Variants in PCYT1B observed in about 807,000 individuals in gnomAD.
PCYT1B encodes the protein choline-phosphate cytidylyltransferase B.
A neutral mutation model predicts 26.4 loss-of-function variants in PCYT1B; 10 were observed. That is an observed-to-expected ratio of 0.38 (90% CI 0.23 to 0.64). The LOEUF is 0.64. Ranked by LOEUF, PCYT1B falls within the 30% of genes least tolerant of loss-of-function variation. The pLI is 0.56. For missense variants in PCYT1B, 161 were observed against 292.7 expected, an observed-to-expected ratio of 0.55 and a Z score of 3.28; for synonymous variants, 131 against 108.4, an observed-to-expected ratio of 1.21 and a Z score of -1.29.
At position 24,562,014 on chromosome X, in the gene PCYT1B, A is replaced by G; in HGVS notation, c.*279T>C. The G allele has an allele frequency of 9.4e-7, 1 of 1,062,679 alleles. No individual in the cohort carries two copies. The highest frequency in any genetic ancestry group is 1.3e-6 in the Non-Finnish European group (1 of 763,325). The allele number at this position is 1,062,679 out of a possible 1,213,427, so 87.6% of individuals were successfully genotyped here. On this transcript the variant is annotated 3_prime_UTR_variant, in exon 8 of 8. Transcript: ENST00000379144. ...TCACCCCATCAGTGCAAGTCTCTCT[A>G]GGGAACTCTGCATCCTTCCTTAGCA...
At chrX:24,596,036 CTGT>C (rs1443005845) in intron 3 of PCYT1B, among the ~76,000 whole-genome samples, 2 of 112,205 alleles carry the variant, frequency 1.8e-5, no homozygotes, top group Non-Finnish European at 3.8e-5. Flanking sequence ...AGTATGTTTA[CTGT>C]TGTTATTTTT....
intron 3 of PCYT1B, 110 bp from the exon 4 acceptor site, chrX:24,590,284 A>G (rs1924516685): frequency 3.2e-6 from 2 of 621,580 alleles, no homozygotes. Context: ...CAGCCTCGCT[A>G]GGTGCTTGTC....
intron 1 of PCYT1B, among the ~76,000 whole-genome samples, chrX:24,670,081 A>G (rs1602218692): frequency 1.1e-5 from 1 of 87,532 alleles, no homozygotes; most frequent in Non-Finnish European, 2.3e-5. Flanking sequence ...AGAAAGAAAG[A>G]AAGAAAGAAA....
intron 3 of PCYT1B, among the ~76,000 whole-genome samples, chrX:24,602,835 G>A (rs189318709): frequency 1.6e-3 from 176 of 110,399 alleles, no homozygotes; most frequent in Non-Finnish European, 2.2e-3. Flanking sequence ...ATGGCGTCTC[G>A]CTCTGTCACT....
intron 1 of PCYT1B, among the ~76,000 whole-genome samples, chrX:24,664,799 CATACAAAA>C (rs1927094474): frequency 9.0e-6 from 1 of 111,368 alleles, no homozygotes; most frequent in African/African-American, 3.3e-5. Context: ...CTCCGCTAAA[CATACAAAA>C]ATTACCTGGG....
intron 3 of PCYT1B, among the ~76,000 whole-genome samples, chrX:24,607,541 G>A (rs1925177053): frequency 9.0e-6 from 1 of 111,688 alleles, no homozygotes. Context: ...TGAGGATCAG[G>A]GTTATACAAT....
intron 1 of PCYT1B, among the ~76,000 whole-genome samples, chrX:24,666,593 G>A (rs774910342): frequency 3.3e-5 from 3 of 90,292 alleles, no homozygotes; most frequent in East Asian, 3.5e-4. Flanking sequence ...TTCTCTTTCC[G>A]TGTATGTGTG....
chrX:24,624,128 C>G (rs970648860), intron 1 of PCYT1B, among the ~76,000 whole-genome samples: 9 of 110,094 alleles, frequency 8.2e-5, no homozygotes, highest in South Asian at 7.9e-4. Context: ...CGCCACCACA[C>G]CCGGCTAATT....
chrX:24,658,685 T>C (rs1012996774), intron 1 of PCYT1B, among the ~76,000 whole-genome samples: 1 of 111,344 alleles, frequency 9.0e-6, no homozygotes, highest in African/African-American at 3.3e-5. Context: ...TGTAATTACA[T>C]TGAGTTCCTT....
At chrX:24,565,035 C>T (rs1266039710) in intron 7 of PCYT1B, among the ~76,000 whole-genome samples, 1 of 109,708 alleles carries the variant, frequency 9.1e-6, no homozygotes, top group Non-Finnish European at 1.9e-5. Flanking sequence ...GATCAGTTTA[C>T]CAGTTTGGGA....
At chrX:24,616,239 T>TG (rs1925487621) in intron 2 of PCYT1B, among the ~76,000 whole-genome samples, 2 of 92,331 alleles carry the variant, frequency 2.2e-5, no homozygotes, top group African/African-American at 7.9e-5. Context: ...TTTTTTTTTT[T>TG]TTTTTTTTTT....
intron 7 of PCYT1B, 127 bp from the exon 8 acceptor site, chrX:24,562,632 C>T (rs958258330): frequency 7.7e-6 from 4 of 521,126 alleles, no homozygotes; most frequent in Non-Finnish European, 1.3e-5. Flanking sequence ...TACACTCATA[C>T]CACATCCCGT....
intron 3 of PCYT1B, among the ~76,000 whole-genome samples, chrX:24,595,143 C>A (rs754130340): frequency 1.8e-5 from 2 of 108,953 alleles, no homozygotes; most frequent in Non-Finnish European, 3.8e-5. Flanking sequence ...GGTATGAGGG[C>A]CCCGTGGTAC....
chrX:24,619,522 C>T (rs1214040379), intron 1 of PCYT1B, among the ~76,000 whole-genome samples: 2 of 112,064 alleles, frequency 1.8e-5, no homozygotes, highest in Non-Finnish European at 3.8e-5. Flanking sequence ...TCGAACATTT[C>T]ACAACCGAGG....
At chrX:24,585,559 A>C (rs1924343830) in intron 5 of PCYT1B, among the ~76,000 whole-genome samples, 1 of 110,838 alleles carries the variant, frequency 9.0e-6, no homozygotes. Context: ...TCTCAGGCCA[A>C]AGTGGGGAGA....
intron 4 of PCYT1B, among the ~76,000 whole-genome samples, chrX:24,589,728 G>A (rs1427499654): frequency 9.0e-6 from 1 of 111,471 alleles, no homozygotes; most frequent in African/African-American, 3.3e-5. Flanking sequence ...TACAGTTGAG[G>A]TAAGCGAGTA....
intron 1 of PCYT1B, among the ~76,000 whole-genome samples, chrX:24,664,138 C>A (rs769440371): frequency 1.0e-4 from 11 of 110,143 alleles, no homozygotes; most frequent in African/African-American, 3.6e-4. Context: ...TGGTTAGAGA[C>A]CAGGGATGCT....
chrX:24,609,985 C>T (rs1042104461), intron 2 of PCYT1B, among the ~76,000 whole-genome samples: 2 of 110,344 alleles, frequency 1.8e-5, no homozygotes, highest in African/African-American at 6.6e-5. Context: ...ACTAGCTACT[C>T]GGGAGGCTGA....
intron 3 of PCYT1B, 134 bp downstream of exon 3, chrX:24,607,611 C>T (rs1602176420): frequency 4.6e-6 from 2 of 437,714 alleles, no homozygotes; most frequent in African/African-American, 2.5e-5. Context: ...AGGCAGTGAA[C>T]AAGCGAGCCA....
Sources: allele counts gnomAD v4.1 joint callset (sites outside exome capture counted in the v4.1 genomes callset), GRCh38; gene constraint gnomAD v4.1.1; transcripts MANE v1.5; gene names NCBI Gene and HGNC (gene_info 2026-07-23, HGNC 2026-07-21).